C5orf63: variants seen among roughly 807,000 people sequenced by gnomAD.
C5orf63 encodes chromosome 5 open reading frame 63, also known as glutaredoxin-like protein C5orf63.
C5orf63 carries 18 observed loss-of-function variants against 13.3 expected under a neutral mutation model. The ratio of observed to expected loss-of-function variants is 1.36; its 90% confidence interval spans 0.94 to 2.01. The LOEUF (loss-of-function observed/expected upper bound fraction) is 2.01. C5orf63 is among the 30% of genes most tolerant of loss of function. The probability of loss-of-function intolerance (pLI) is 0.00; values close to 1 mark genes in which losing one functional copy is unlikely to be tolerated. For synonymous variants in C5orf63, 38 were observed against 44.7 expected, an observed-to-expected ratio of 0.85 and a Z score of 0.60; for missense variants, 118 against 127.7, an observed-to-expected ratio of 0.92 and a Z score of 0.36.
At chr5:127,052,552 TA>T in intron 4 of C5orf63, 60 bp downstream of exon 4, 2 of 1,153,232 alleles carry the variant, frequency 1.7e-6, no homozygotes, top group Non-Finnish European at 2.3e-6. Context: ...TCCAGGCAGA[TA>T]CTTTATACCA....
At chr5:127,061,536 A>T (rs1259655311) in intron 2 of C5orf63, among the ~76,000 whole-genome samples, 1 of 152,228 alleles carries the variant, frequency 6.6e-6, no homozygotes, top group East Asian at 1.9e-4. Flanking sequence ...CAGTTGTTCC[A>T]AGGTAAAAAG....
rs1753690882 is a variant in C5orf63 at position 127,051,933 on chromosome 5, C to T, written c.186G>A (p.Glu62=). The change falls in exon 5 of 5, where the codon GAG becomes GAA. Residue 62 remains glutamate (E), a synonymous_variant. Transcript: ENST00000296662. ...AGTTTTCTGGAAGTGTGATGTTCAC[C>T]TCCTGTAAAATGAACTGAAACAGAG... The part of the protein sequence containing the change: ...KPYENRFILQ[E]VNITLPENSV... 6.6e-7 allele frequency: 1 copy of T among 1,509,400 alleles called. No individual in the cohort carries two copies. Among genetic ancestry groups the T allele is most frequent in the African/African-American group, 1.4e-5 (1 of 71,964 alleles). The allele number at this position is 1,509,400 out of a possible 1,614,324, so 93.5% of individuals were successfully genotyped here. A position where few individuals can be genotyped will look rare whatever the true frequency, so the allele number is the denominator to read the frequency against.
In C5orf63 at chr5:127,051,613, C is replaced by G. The variant is rs1025561625; in HGVS notation, c.*158G>C. 3 of 1,285,792 alleles carry G rather than the reference C, an allele frequency of 2.3e-6. No individual in the cohort carries two copies. Among genetic ancestry groups the G allele is most frequent in the East Asian group, 2.9e-5 (1 of 34,044 alleles). 79.6% of individuals were successfully genotyped at this position (1,285,792 alleles called of 1,614,324 possible). On this transcript the variant is annotated 3_prime_UTR_variant, in exon 5 of 5. Transcript: ENST00000296662. Reference sequence around the variant, plus strand: ...CAAACAGTTCCCACACTGATACTTCCATCAACCAAAAGGGGAATGTCAACA... The same window carrying G: ...CAAACAGTTCCCACACTGATACTTCGATCAACCAAAAGGGGAATGTCAACA...
chr5:127,054,422 G>T (rs906432250), intron 3 of C5orf63, among the ~76,000 whole-genome samples: 3 of 152,016 alleles, frequency 2.0e-5, no homozygotes, highest in African/African-American at 7.2e-5. Flanking sequence ...TTTAATGATC[G>T]CCATTCTAAC....
intron 2 of C5orf63, among the ~76,000 whole-genome samples, chr5:127,068,282 G>C (rs1376027324): frequency 2.0e-5 from 3 of 152,124 alleles, no homozygotes; most frequent in Non-Finnish European, 2.9e-5. Context: ...AAAATCCAAA[G>C]TAGTTTTTAT....
Position 127,051,503 on chromosome 5 carries a change from T to A in C5orf63, c.*268A>T, listed in dbSNP as rs1753673685. 1.6e-6 allele frequency: 2 copies of A among 1,237,000 alleles called. No homozygotes were observed. The highest frequency in any genetic ancestry group is 3.1e-5 in the African/African-American group (2 of 64,486). The allele number at this position is 1,237,000 out of a possible 1,614,324, so 76.6% of individuals were successfully genotyped here. On this transcript the variant is annotated 3_prime_UTR_variant, in exon 5 of 5. Coordinates refer to ENST00000296662, the MANE Select transcript of C5orf63 (RefSeq NM_001164478.2). ...TGCTTCTCTATTAATACAAAAAGGA[T>A]AAATAAGACAAATGGACTTCTCCCT...
At chr5:127,044,994 G>T (rs1433341259), downstream of C5orf63, 1 of 151,952 alleles carries the variant, frequency 6.6e-6, no homozygotes, top group Non-Finnish European at 1.5e-5. Context: ...CTGGTCTTTA[G>T]CTCCTTTCTG....
intron 2 of C5orf63, 25 bp downstream of exon 2, chr5:127,071,559 G>A (rs1424213055): frequency 1.3e-5 from 2 of 152,180 alleles, no homozygotes; most frequent in African/African-American, 4.8e-5. Context: ...AGCTCACCTA[G>A]TCCCTGCTGT....
At position 127,051,328 on chromosome 5, in the gene C5orf63, G is replaced by T; in HGVS notation, c.*443C>A. 1 of 1,230,470 alleles carries T rather than the reference G, an allele frequency of 8.1e-7. No individual in the cohort carries two copies. The highest frequency in any genetic ancestry group is 4.2e-5 in the South Asian group (1 of 24,020). 76.2% of individuals were successfully genotyped at this position (1,230,470 alleles called of 1,614,324 possible). A position where few individuals can be genotyped will look rare whatever the true frequency, so the allele number is the denominator to read the frequency against. ...GTATTCCTTAAAACATCGCTTTATT[G>T]ACCGTGCACAGTTATTAACAATTCA... On this transcript the variant is annotated 3_prime_UTR_variant, in exon 5 of 5. Coordinates refer to ENST00000296662, the MANE Select transcript of C5orf63 (RefSeq NM_001164478.2).
chr5:127,043,699 T>C (rs1409435707), downstream of C5orf63: 1 of 152,232 alleles, frequency 6.6e-6, no homozygotes, highest in Non-Finnish European at 1.5e-5. Context: ...TCCCAACTTC[T>C]GACATCTCTT....
chr5:127,051,652 A>C lies in C5orf63; in HGVS notation c.*119T>G. The C allele has an allele frequency of 7.8e-7, 1 of 1,287,322 alleles. No homozygotes were observed. The highest frequency in any genetic ancestry group is 9.8e-7 in the Non-Finnish European group (1 of 1,018,716). The allele number at this position is 1,287,322 out of a possible 1,614,324, so 79.7% of individuals were successfully genotyped here. A position where few individuals can be genotyped will look rare whatever the true frequency, so the allele number is the denominator to read the frequency against. On this transcript the variant is annotated 3_prime_UTR_variant, in exon 5 of 5. Transcript: ENST00000296662. ...GGAATGTCAACATTTATTTGGCACC[A>C]CTGAATTCAGAACATCCTTAGGGCT...
At chr5:127,048,286 CACACAA>C (rs901788209), downstream of C5orf63, among the ~76,000 whole-genome samples, 5 of 150,018 alleles carry the variant, frequency 3.3e-5, no homozygotes, top group African/African-American at 1.0e-4. Flanking sequence ...CACACACACA[CACACAA>C]ACTTACTTTA....
At chr5:127,072,732 T>C (rs1445839671) in intron 1 of C5orf63, among the ~76,000 whole-genome samples, 1 of 152,184 alleles carries the variant, frequency 6.6e-6, no homozygotes, top group Non-Finnish European at 1.5e-5. Context: ...ACATTCCCTG[T>C]GAAAGACAGC....
chr5:127,059,713 C>A lies in C5orf63; in HGVS notation c.-7-711G>T, dbSNP rs1580530192. 7.3e-5 allele frequency among the ~76,000 whole-genome samples: 10 copies of A among 136,408 alleles called. No homozygotes were observed. In the South Asian group the frequency reaches 2.1e-3, roughly 29 times the overall value. The allele number at this position is 136,408 out of a possible 152,430, so 89.5% of individuals were successfully genotyped here. A position where few individuals can be genotyped will look rare whatever the true frequency, so the allele number is the denominator to read the frequency against. On this transcript the variant is annotated intron_variant, in intron 2 of 4. Coordinates refer to ENST00000296662, the MANE Select transcript of C5orf63 (RefSeq NM_001164478.2). ...ACTGCACTCCAGTCTGGGGGATGGA[C>A]ATGAGATCTTATCTCAAAAAAAAAA...
intron 4 of C5orf63, 52 bp downstream of exon 4, chr5:127,052,560 AC>A: frequency 8.1e-7 from 1 of 1,227,960 alleles, no homozygotes; most frequent in Non-Finnish European, 1.1e-6. Flanking sequence ...GATACTTTAT[AC>A]CACATCTAAT....
intron 3 of C5orf63, 178 bp downstream of exon 3, chr5:127,058,704 T>C: frequency 1.7e-6 from 1 of 572,118 alleles, no homozygotes; most frequent in Non-Finnish European, 3.1e-6. Context: ...TACTCTTTGC[T>C]AATTGGGAGA....
chr5:127,072,135 C>A (rs1685720996), intron 1 of C5orf63: 1 of 152,206 alleles, frequency 6.6e-6, no homozygotes, highest in African/African-American at 2.4e-5. Flanking sequence ...AGGATCCTGC[C>A]TGTTTAAAGC....
chr5:127,062,337 T>C (rs926989896), intron 2 of C5orf63, among the ~76,000 whole-genome samples: 2 of 152,228 alleles, frequency 1.3e-5, no homozygotes, highest in African/African-American at 2.4e-5. Flanking sequence ...TTTAAATTGC[T>C]TAAACATGGC....
intron 2 of C5orf63, among the ~76,000 whole-genome samples, chr5:127,063,251 T>C (rs1355445677): frequency 2.0e-5 from 3 of 152,186 alleles, no homozygotes; most frequent in African/African-American, 7.2e-5. Flanking sequence ...TCAGCCCTCC[T>C]TGAAGCAACA....
Sources: gnomAD v4.1 joint callset for allele counts (sites outside exome capture counted in the v4.1 genomes callset) on GRCh38, gnomAD v4.1.1 for gene constraint, MANE v1.5 for transcripts, NCBI Gene and HGNC (gene_info 2026-07-23, HGNC 2026-07-21) for gene names.